The following PKD2L2 variants were observed in gnomAD, a reference collection of about 807,000 sequenced individuals.
The protein encoded by PKD2L2 is polycystin-2-like protein 2.
Under a neutral mutation model 83.9 loss-of-function variants are expected in PKD2L2, and 67 were observed. That is an observed-to-expected ratio of 0.80 (90% CI 0.66 to 0.98). The LOEUF (loss-of-function observed/expected upper bound fraction) is 0.98. PKD2L2 is among the 50% of genes least tolerant of loss of function. The pLI is 0.00. For missense variants in PKD2L2, 632 were observed against 717.2 expected (o/e 0.88, Z 1.36); for synonymous variants, 223 against 237.8 (o/e 0.94, Z 0.57).
intron 8 of PKD2L2, among the ~76,000 whole-genome samples, chr5:137,916,566 A>G (rs1231760159): frequency 6.8e-6 from 1 of 147,598 alleles, no homozygotes; most frequent in Admixed American, 6.9e-5. Flanking sequence ...CGCAGCCTCA[A>G]TTTCCAAGGT....
chr5:137,934,657 C>T (rs1760163701), intron 12 of PKD2L2, among the ~76,000 whole-genome samples: 1 of 152,022 alleles, frequency 6.6e-6, no homozygotes, highest in Admixed American at 6.6e-5. Flanking sequence ...AAAAAAAATA[C>T]AAAAATTAGC....
intron 7 of PKD2L2, among the ~76,000 whole-genome samples, chr5:137,908,118 A>G (rs1466879770): frequency 6.6e-6 from 1 of 152,148 alleles, no homozygotes; most frequent in Non-Finnish European, 1.5e-5. Flanking sequence ...GTTTGAGACC[A>G]GCCTGGGAAA....
chr5:137,904,139 T>A (rs1327594481), intron 5 of PKD2L2, among the ~76,000 whole-genome samples: 1 of 152,212 alleles, frequency 6.6e-6, no homozygotes, highest in African/African-American at 2.4e-5. Flanking sequence ...GGTTTATACC[T>A]CCTTCATTGG....
intron 12 of PKD2L2, among the ~76,000 whole-genome samples, chr5:137,932,425 A>C (rs1759951970): frequency 6.6e-6 from 1 of 152,222 alleles, no homozygotes; most frequent in African/African-American, 2.4e-5. Flanking sequence ...CCCACTCAGA[A>C]AGAAACCATA....
rs373247757 is a variant in PKD2L2 at position 137,940,169 on chromosome 5, T to C, written c.*18-2215T>C. The stretch of plus-strand genomic sequence containing the variant: ...TTAAGTACCAGCCAAGTACACACGA[T>C]GATAGCTTCAAGGAATACAACTGAC... On this transcript the variant is annotated intron_variant, in intron 14 of 14. Coordinates refer to ENST00000508883, the MANE Select transcript of PKD2L2 (RefSeq NM_001300921.2). The C allele has an allele frequency of 1.8e-4, 289 of 1,613,562 alleles. No homozygotes were observed. In the African/African-American group the frequency reaches 3.3e-3, roughly 18 times the overall value.
intron 12 of PKD2L2, among the ~76,000 whole-genome samples, chr5:137,929,366 CAGG>C (rs1458577000): frequency 1.3e-5 from 2 of 151,190 alleles, no homozygotes; most frequent in African/African-American, 4.9e-5. Context: ...GAGGCTGAGG[CAGG>C]AGAACTGCTT....
chr5:137,934,665 A>G (rs1760163953), intron 12 of PKD2L2, among the ~76,000 whole-genome samples: 1 of 152,174 alleles, frequency 6.6e-6, no homozygotes, highest in Admixed American at 6.5e-5. Context: ...TACAAAAATT[A>G]GCCAGATGTG....
intron 8 of PKD2L2, among the ~76,000 whole-genome samples, chr5:137,916,886 T>C (rs1409252051): frequency 1.3e-5 from 2 of 152,162 alleles, no homozygotes; most frequent in African/African-American, 4.8e-5. Context: ...ATTCCTTGTA[T>C]GTGATGAGCT....
intron 4 of PKD2L2, 149 bp downstream of exon 4, chr5:137,894,758 G>T (rs1258086600): frequency 6.2e-6 from 4 of 640,516 alleles, no homozygotes; most frequent in Non-Finnish European, 8.0e-6. Flanking sequence ...GGAGATAGCA[G>T]TGTTTAGAAA....
At chr5:137,939,243 C>A (rs1208624671) in intron 14 of PKD2L2, 1 of 152,334 alleles carries the variant, frequency 6.6e-6, no homozygotes, top group Admixed American at 6.6e-5. Flanking sequence ...AAAAAGATAA[C>A]CCCCTGAAGG....
intron 8 of PKD2L2, among the ~76,000 whole-genome samples, chr5:137,915,343 T>C (rs1408984431): frequency 6.6e-6 from 1 of 152,176 alleles, no homozygotes; most frequent in Admixed American, 6.5e-5. Context: ...GTTTGTAGAA[T>C]TTACCAGTGA....
chr5:137,900,252 T>C (rs1756838527), intron 5 of PKD2L2, among the ~76,000 whole-genome samples: 1 of 152,212 alleles, frequency 6.6e-6, no homozygotes, highest in Non-Finnish European at 1.5e-5. Context: ...ATTTAAAGTG[T>C]CGTGTGATGC....
intron 8 of PKD2L2, among the ~76,000 whole-genome samples, chr5:137,911,316 G>A (rs2150027043): frequency 6.6e-6 from 1 of 152,242 alleles, no homozygotes; most frequent in South Asian, 2.1e-4. Flanking sequence ...TCCTTAGAAA[G>A]GCTGAATAAT....
chr5:137,939,791 T>A, intron 14 of PKD2L2: 1 of 1,140,810 alleles, frequency 8.8e-7, no homozygotes, highest in Non-Finnish European at 1.1e-6. Flanking sequence ...CTTTCAAATT[T>A]TCAGTCATTC....
Position 137,921,739 on chromosome 5 carries a change from G to T in PKD2L2, c.1432G>T (p.Val478Leu). ...TTACTTCATCACTTTCATCTTTTTT[G>T]TGTTCTTTGTCCTGCTGGTAAGAAT... ...PIYFITFIFF[V>L]FFVLLNMFLA... The change falls in exon 9 of 15, where the codon GTG (valine) becomes TTG (leucine). Residue 478 changes from valine to leucine, a missense_variant. Val to Leu is a conservative substitution (Grantham distance 32). Around this residue, in one of 3 missense-constraint regions of PKD2L2, gnomAD observed 399 missense variants for 416.9 expected, o/e 0.96. Transcript: ENST00000508883. The T allele has an allele frequency of 1.9e-6, 3 of 1,606,604 alleles. No homozygotes were observed. The highest frequency in any genetic ancestry group is 2.2e-5 in the East Asian group (1 of 44,728).
At chr5:137,890,421 TTGTTGTCACTTATAAA>T in intron 1 of PKD2L2, 44 bp from the exon 2 acceptor site, 1 of 870,742 alleles carries the variant, frequency 1.1e-6, no homozygotes, top group South Asian at 1.6e-5. Context: ...GGTTTTTCCA[TTGTTGTCACTTATAAA>T]TTACATAATA....
chr5:137,936,262 T>A lies in PKD2L2; in HGVS notation c.1785-58T>A, dbSNP rs75217474. The A allele has an allele frequency of 3.0e-5, 44 of 1,450,054 alleles. No individual in the cohort carries two copies. The African/African-American group carries it at 5.0e-4, about 17-fold the overall frequency. The allele number at this position is 1,450,054 out of a possible 1,614,324, so 89.8% of individuals were successfully genotyped here. ...AAAGCATTTCGCACTAGTAACTTGCTGTCTATACATGAAAGTTTATTACTG... is the reference window on the plus strand; with the variant it reads ...AAAGCATTTCGCACTAGTAACTTGCAGTCTATACATGAAAGTTTATTACTG... On this transcript the variant is annotated intron_variant, in intron 13 of 14. Coordinates refer to ENST00000508883, the MANE Select transcript of PKD2L2 (RefSeq NM_001300921.2).
At chr5:137,926,466 CAAAT>C (rs1775763992) in intron 12 of PKD2L2, among the ~76,000 whole-genome samples, 1 of 151,952 alleles carries the variant, frequency 6.6e-6, no homozygotes, top group Non-Finnish European at 1.5e-5. Context: ...AATAAGCAAG[CAAAT>C]AAATATTGAA....
At chr5:137,896,349 T>C (rs1052924355) in intron 4 of PKD2L2, among the ~76,000 whole-genome samples, 9 of 152,192 alleles carry the variant, frequency 5.9e-5, no homozygotes, top group South Asian at 2.1e-4. Context: ...TACTTTGTCT[T>C]TCTAAATTAC....
Sources: allele counts gnomAD v4.1 joint callset (sites outside exome capture counted in the v4.1 genomes callset), GRCh38; gene constraint gnomAD v4.1.1; regional missense constraint gnomAD v4.1.1; transcripts MANE v1.5; gene names NCBI Gene and HGNC (gene_info 2026-07-23, HGNC 2026-07-21).